Variants in TACC2 observed in about 807,000 individuals in gnomAD.
TACC2 encodes the protein transforming acidic coiled-coil containing protein 2.
Under a neutral mutation model 227.3 loss-of-function variants are expected in TACC2, and 137 were observed. The observed-to-expected ratio is 0.60, with a 90% CI of 0.52 to 0.69. TACC2 has a LOEUF of 0.69. Ranked by LOEUF, TACC2 falls within the 30% of genes least tolerant of loss-of-function variation. The pLI is 0.00. For synonymous variants in TACC2, 1,523 were observed against 1,487.5 expected (o/e 1.02, Z -0.55); for missense variants, 3,470 against 3,694.4 (o/e 0.94, Z 1.57).
chr10:122,104,630 C>T (rs2082541358), intron 5 of TACC2, among the ~76,000 whole-genome samples: 1 of 152,214 alleles, frequency 6.6e-6, no homozygotes, highest in Non-Finnish European at 1.5e-5. Flanking sequence ...CTTGGCCTCC[C>T]AAAGTGCCGG....
chr10:122,173,138 G>T (rs555650672), intron 7 of TACC2, among the ~76,000 whole-genome samples: 1 of 152,190 alleles, frequency 6.6e-6, no homozygotes, highest in Non-Finnish European at 1.5e-5. Flanking sequence ...TCCTACAGGG[G>T]TAATTGCTAG....
chr10:121,991,174 T>G (rs1388770682), intron 1 of TACC2, among the ~76,000 whole-genome samples: 1 of 152,234 alleles, frequency 6.6e-6, no homozygotes, highest in Non-Finnish European at 1.5e-5. Context: ...TTCTGTCTTC[T>G]TCAGTAAAGA....
chr10:122,234,329 G>A (rs183028861), intron 16 of TACC2, among the ~76,000 whole-genome samples: 55 of 152,370 alleles, frequency 3.6e-4, no homozygotes, highest in Admixed American at 3.5e-3. Flanking sequence ...CTTCAGTGGA[G>A]TGAAGGTTGG....
intron 1 of TACC2, among the ~76,000 whole-genome samples, chr10:122,017,815 T>A (rs545541009): frequency 1.9e-5 from 1 of 53,728 alleles, no homozygotes; most frequent in Non-Finnish European, 3.3e-5. Flanking sequence ...AGTGAAACTG[T>A]CTCAAAAAAA....
At chr10:122,215,319 G>C (rs983579399) in intron 9 of TACC2, 72 bp from the exon 10 acceptor site, 49 of 1,412,386 alleles carry the variant, frequency 3.5e-5, no homozygotes, top group Non-Finnish European at 4.9e-5. Flanking sequence ...AGTAGCTTCG[G>C]TCCGCTCTGT....
rs1297973465 is a variant in TACC2 at position 122,150,911 on chromosome 10, A to G, written c.5834+7205A>G. ...CCACGGACTATTCGGAAGGTGGCGCAGGGGAAGGAGCATGAAGTTGGAAAG... is the reference window on the plus strand; with the variant it reads ...CCACGGACTATTCGGAAGGTGGCGCGGGGGAAGGAGCATGAAGTTGGAAAG... On this transcript the variant is annotated intron_variant, in intron 7 of 22. Coordinates refer to ENST00000369005, the MANE Select transcript of TACC2 (RefSeq NM_206862.4). This position sits in a 1 kb window ranked among gnomAD's most constrained non-coding sequence, Gnocchi z 4.0. Among the ~76,000 whole-genome samples the G allele has an allele frequency of 2.0e-5, 3 of 152,134 alleles. No individual in the cohort carries two copies. Among genetic ancestry groups the G allele is most frequent in the African/African-American group, 2.4e-5 (1 of 41,434 alleles).
intron 5 of TACC2, among the ~76,000 whole-genome samples, chr10:122,122,306 G>T (rs1408216964): frequency 1.3e-5 from 2 of 152,144 alleles, no homozygotes; most frequent in Non-Finnish European, 2.9e-5. Context: ...ACTGAGCCGA[G>T]ATCGTGCCAC....
rs956155323 is a variant in TACC2 at position 122,205,083 on chromosome 10, A to T, written c.5972-5314A>T. ...GGAACAATTTGGTTTATGTAAAGAC[A>T]CTTTAATTTCTTCATCACTAAGTGA... On this transcript the variant is annotated intron_variant, in intron 8 of 22. Coordinates refer to ENST00000369005, the MANE Select transcript of TACC2 (RefSeq NM_206862.4). This position sits in a 1 kb window ranked among gnomAD's most constrained non-coding sequence, Gnocchi z 4.5. 9.2e-5 allele frequency among the ~76,000 whole-genome samples: 14 copies of T among 152,194 alleles called. No homozygotes were observed. Among genetic ancestry groups the T allele is most frequent in the African/African-American group, 3.4e-4 (14 of 41,444 alleles).
At chr10:122,231,209 G>A (rs1297785237) in intron 16 of TACC2, among the ~76,000 whole-genome samples, 3 of 152,156 alleles carry the variant, frequency 2.0e-5, no homozygotes, top group Non-Finnish European at 1.5e-5. Context: ...TTAACAATTT[G>A]AATGAGTTGC....
chr10:122,197,016 T>C (rs2094595360), intron 8 of TACC2, among the ~76,000 whole-genome samples: 1 of 149,920 alleles, frequency 6.7e-6, no homozygotes, highest in Non-Finnish European at 1.5e-5. Flanking sequence ...ATCCCAGCAC[T>C]CTGGGAGGCC....
At chr10:121,989,558 G>A (rs969873075) in intron 1 of TACC2, 70 bp downstream of exon 1, 2 of 152,040 alleles carry the variant, frequency 1.3e-5, no homozygotes, top group African/African-American at 4.8e-5. Context: ...TACAGGGTAG[G>A]AAAACCCTAT....
intron 1 of TACC2, among the ~76,000 whole-genome samples, chr10:122,017,997 T>C (rs1208572674): frequency 1.6e-5 from 2 of 121,454 alleles, no homozygotes; most frequent in African/African-American, 3.4e-5. Flanking sequence ...ATTCGTTTTA[T>C]TTATTTATTT....
chr10:122,107,811 T>A (rs892696046), intron 5 of TACC2, among the ~76,000 whole-genome samples: 6 of 149,264 alleles, frequency 4.0e-5, no homozygotes, highest in African/African-American at 1.5e-4. Context: ...CAGTGTGTAG[T>A]CTATATCCCT....
At position 122,084,215 on chromosome 10, in the gene TACC2, C is replaced by T. The variant is rs2079848375; in HGVS notation, c.1715C>T (p.Pro572Leu). The T allele has an allele frequency of 6.2e-7, 1 of 1,614,108 alleles. No homozygotes were observed. The highest frequency in any genetic ancestry group is 8.5e-7 in the Non-Finnish European group (1 of 1,180,048). ...GTGGCTAAAGAAGGAAGCAGATCAC[C>T]TGGTGACAGCCCTGGAGGAAAGGAG... ...PAVAKEGSRSPGDSPGGKEEA... is the reference protein window; with the variant it reads ...PAVAKEGSRSLGDSPGGKEEA... Residue 572 changes from proline (P) to leucine (L), a missense_variant, in exon 4 of 23, where the codon CCT becomes CTT. Pro to Leu is a moderately conservative substitution (Grantham distance 98, BLOSUM62 -3). Around this residue, in one of 10 missense-constraint regions of TACC2, gnomAD observed 1,924 missense variants for 1,978.3 expected, o/e 0.97. Coordinates refer to ENST00000369005, the MANE Select transcript of TACC2 (RefSeq NM_206862.4).
At chr10:122,137,686 G>C (rs1207048152) in intron 6 of TACC2, among the ~76,000 whole-genome samples, 1 of 152,178 alleles carries the variant, frequency 6.6e-6, no homozygotes, top group Admixed American at 6.5e-5. Flanking sequence ...ACTTCAGTGT[G>C]CATCAGAATC....
chr10:122,225,419 A>C lies in TACC2; in HGVS notation c.7608+632A>C, dbSNP rs531447424. ...TGCTTCCAAACTGCAGGTTGCTGTA[A>C]GTTAGACCTGAAGGTTGGGTGGGAG... is the stretch of plus-strand genomic sequence containing the variant. On this transcript the variant is annotated intron_variant, in intron 12 of 22. Transcript: ENST00000369005. Among the ~76,000 whole-genome samples the C allele has an allele frequency of 4.6e-5, 7 of 152,322 alleles. No homozygotes were observed. The South Asian group carries it at 1.5e-3, about 32-fold the overall frequency.
chr10:122,159,561 G>C (rs566668598), intron 7 of TACC2, among the ~76,000 whole-genome samples: 1 of 152,186 alleles, frequency 6.6e-6, no homozygotes, highest in Admixed American at 6.5e-5. Context: ...GTGACACGGG[G>C]CTGGATGCCT....
At chr10:122,036,913 TC>T (rs1157855112) in intron 2 of TACC2, among the ~76,000 whole-genome samples, 1 of 152,226 alleles carries the variant, frequency 6.6e-6, no homozygotes, top group East Asian at 1.9e-4. Flanking sequence ...ATACTAATGT[TC>T]CAATTTCTCT....
intron 7 of TACC2, among the ~76,000 whole-genome samples, chr10:122,153,869 T>C (rs2092285246): frequency 6.6e-6 from 1 of 152,188 alleles, no homozygotes. Flanking sequence ...CTTTTTGACT[T>C]AGGTGTCTGA....
Sources: gnomAD v4.1 joint callset for allele counts (sites outside exome capture counted in the v4.1 genomes callset) on GRCh38, gnomAD v4.1.1 for gene constraint, gnomAD v4.1.1 regional missense constraint, Gnocchi (gnomAD v3.1) non-coding constraint, MANE v1.5 for transcripts, NCBI Gene and HGNC (gene_info 2026-07-23, HGNC 2026-07-21) for gene names.